The following BLTP1 variants were observed in gnomAD, a reference collection of about 807,000 sequenced individuals.
BLTP1 encodes the protein bridge-like lipid transfer protein family member 1.
chr4:122,183,335 C>A, the BLTP1 span: 1,135 of 734,936 alleles, frequency 1.5e-3, no homozygotes, highest in Admixed American at 8.8e-3. Flanking sequence ...GACCCTGTCT[C>A]AAAAAAAAAA....
the BLTP1 span, among the ~76,000 whole-genome samples, chr4:122,242,729 A>G: frequency 1.3e-5 from 2 of 152,156 alleles, no homozygotes; most frequent in African/African-American, 4.8e-5. Context: ...TTTAAAAAGA[A>G]ACTCTGGAGG....
At chr4:122,254,770 A>C in the BLTP1 span, 4 of 1,463,870 alleles carry the variant, frequency 2.7e-6, no homozygotes, top group Non-Finnish European at 3.6e-6. Flanking sequence ...AAATTTTGAC[A>C]CTTGTTTTTA....
At chr4:122,344,228 A>C in the BLTP1 span, 1 of 477,050 alleles carries the variant, frequency 2.1e-6, no homozygotes, top group Non-Finnish European at 2.7e-6. Context: ...AGAAATGCTA[A>C]TGCTCATTAG....
the BLTP1 span, chr4:122,349,830 T>G: frequency 6.2e-7 from 1 of 1,609,002 alleles, no homozygotes; most frequent in Non-Finnish European, 8.5e-7. The surrounding 1 kb of genome is among the most constrained non-coding windows in gnomAD (Gnocchi z 4.5). Context: ...GTAAGACATC[T>G]GACAAAGATT....
chr4:122,190,277 G>T, the BLTP1 span: 1 of 553,344 alleles, frequency 1.8e-6, no homozygotes. Context: ...TTAAAGTTTT[G>T]TAGAGATGGT....
At chr4:122,272,499 A>T in the BLTP1 span, 8 of 1,139,560 alleles carry the variant, frequency 7.0e-6, no homozygotes, top group Non-Finnish European at 9.7e-6. Context: ...AAAATTCCTA[A>T]TTGGCAAATT....
At chr4:122,298,709 T>C in the BLTP1 span, 2 of 437,974 alleles carry the variant, frequency 4.6e-6, no homozygotes. Flanking sequence ...TTTTGATGAA[T>C]GAAGAAGTTA....
the BLTP1 span, among the ~76,000 whole-genome samples, chr4:122,223,370 C>T: frequency 2.0e-5 from 3 of 152,064 alleles, no homozygotes; most frequent in Non-Finnish European, 4.4e-5. Context: ...AAATAATTTG[C>T]GAACTGCCTC....
the BLTP1 span, chr4:122,318,127 C>A: frequency 1.3e-6 from 2 of 1,586,014 alleles, no homozygotes; most frequent in Non-Finnish European, 1.7e-6. Context: ...CAATAATTGC[C>A]ATATTTGTTT....
chr4:122,316,641 A>C, the BLTP1 span: 7 of 1,499,684 alleles, frequency 4.7e-6, no homozygotes, highest in Non-Finnish European at 6.4e-6. Flanking sequence ...TGATTCTTGC[A>C]TGCTTTGATT....
At chr4:122,192,506 AT>A in the BLTP1 span, 1 of 659,328 alleles carries the variant, frequency 1.5e-6, no homozygotes. Context: ...ATCACTAAAC[AT>A]TTTGATCCAA....
the BLTP1 span, among the ~76,000 whole-genome samples, chr4:122,166,899 C>G: frequency 1.3e-5 from 2 of 152,102 alleles, no homozygotes; most frequent in East Asian, 3.9e-4. Flanking sequence ...TTAGTCTGTC[C>G]CAGGTTTTTC....
At chr4:122,362,238 A>C in the BLTP1 span, 1 of 1,612,202 alleles carries the variant, frequency 6.2e-7, no homozygotes, top group South Asian at 1.1e-5. Flanking sequence ...AAGACAAAGA[A>C]GAACACTAAA....
the BLTP1 span, chr4:122,164,427 C>T: frequency 1.0e-6 from 1 of 984,848 alleles, no homozygotes; most frequent in African/African-American, 1.7e-5. Context: ...GCTTCTCCTT[C>T]CCCCAGAATC....
At chr4:122,181,857 C>T in the BLTP1 span, among the ~76,000 whole-genome samples, 9 of 152,074 alleles carry the variant, frequency 5.9e-5, no homozygotes, top group Non-Finnish European at 1.0e-4. Flanking sequence ...TTAATTGACT[C>T]TTCACCAATG....
chr4:122,296,993 T>A, the BLTP1 span, among the ~76,000 whole-genome samples: 27 of 152,194 alleles, frequency 1.8e-4, 1 homozygote, highest in African/African-American at 6.5e-4. Flanking sequence ...ACAATACCAT[T>A]TAGGACATAG....
the BLTP1 span, among the ~76,000 whole-genome samples, chr4:122,313,420 T>C: frequency 3.9e-5 from 6 of 152,092 alleles, no homozygotes; most frequent in Non-Finnish European, 7.4e-5. Flanking sequence ...GAATAAAATA[T>C]TGTGAAATAT....
chr4:122,360,271 G>A, the BLTP1 span, among the ~76,000 whole-genome samples: 1 of 152,070 alleles, frequency 6.6e-6, no homozygotes, highest in Admixed American at 6.6e-5. Flanking sequence ...CTGAGTCATG[G>A]TCTACTACAA....
chr4:122,213,602 A>AAAAATC, the BLTP1 span, among the ~76,000 whole-genome samples: 6 of 152,114 alleles, frequency 3.9e-5, no homozygotes, highest in African/African-American at 1.4e-4. Flanking sequence ...AAACTAGGAA[A>AAAAATC]AAAATCACTA....
Sources: allele counts gnomAD v4.1 joint callset (sites outside exome capture counted in the v4.1 genomes callset), GRCh38; gene constraint gnomAD v4.1.1; non-coding constraint Gnocchi (gnomAD v3.1); transcripts MANE v1.5; gene names NCBI Gene and HGNC (gene_info 2026-07-23, HGNC 2026-07-21).